HIP1: variants seen among roughly 807,000 people sequenced by gnomAD.
HIP1 encodes the protein huntingtin-interacting protein 1.
In HIP1, 65 loss-of-function variants were observed where a neutral mutation model predicts 147.6. The observed-to-expected ratio is 0.44, with a 90% confidence interval of 0.36 to 0.54. HIP1 has a LOEUF of 0.54. Among genes scored for constraint, HIP1 ranks in the 20% least tolerant of loss-of-function variants. The pLI is 0.00. For missense variants in HIP1, 1,061 were observed against 1,299.6 expected (o/e 0.82, Z 2.82); for synonymous variants, 479 against 504.0 (o/e 0.95, Z 0.67).
intron 1 of HIP1, among the ~76,000 whole-genome samples, chr7:75,659,086 G>A (rs542668078): frequency 6.7e-4 from 102 of 152,198 alleles, no homozygotes; most frequent in Non-Finnish European, 1.2e-3. Flanking sequence ...ACACTGCTTT[G>A]GGTCATTTTG....
At chr7:75,642,763 G>T (rs1798687962) in intron 1 of HIP1, among the ~76,000 whole-genome samples, 1 of 152,060 alleles carries the variant, frequency 6.6e-6, no homozygotes, top group Admixed American at 6.6e-5. Context: ...TGACCCATCG[G>T]ACACAGCCAG....
Position 75,534,398 on chromosome 7 carries a change from C to T in HIP1, c.*3774G>A. The T allele has an allele frequency of 5.0e-6, 1 of 199,268 alleles. No individual in the cohort carries two copies. Among genetic ancestry groups the T allele is most frequent in the Non-Finnish European group, 1.0e-5 (1 of 96,442 alleles). 12.3% of individuals were successfully genotyped at this position (199,268 alleles called of 1,614,324 possible). A position where few individuals can be genotyped will look rare whatever the true frequency, so the allele number is the denominator to read the frequency against. On this transcript the variant is annotated 3_prime_UTR_variant, in exon 31 of 31. Coordinates refer to ENST00000336926, the MANE Select transcript of HIP1 (RefSeq NM_005338.7). ...CTTGCTCAGATATAAAATAACCCTG[C>T]CAAGATGGCTCTTCTCTTCTATTTC... is the stretch of plus-strand genomic sequence containing the variant.
Position 75,573,844 on chromosome 7 carries a change from C to T in HIP1, c.662G>A (p.Arg221His), listed in dbSNP as rs782003111. The change falls in exon 8 of 31, where the codon CGC (arginine) becomes CAC (histidine). Residue 221 changes from arginine to histidine, a missense_variant. Around this residue, in one of 3 missense-constraint regions of HIP1, gnomAD observed 225 missense variants for 292.9 expected, o/e 0.77. Transcript: ENST00000336926. Reference sequence around the variant, plus strand: ...GATGACCTGGATCAGCGGGGCGAGGCGGCACTGCCCTGCTGCCGTCACGGA... The same window carrying T: ...GATGACCTGGATCAGCGGGGCGAGGTGGCACTGCCCTGCTGCCGTCACGGA... Reference protein sequence around the residue: ...SVSVTAAGQCRLAPLIQVILD... With the variant: ...SVSVTAAGQCHLAPLIQVILD... The T allele has an allele frequency of 1.2e-5, 20 of 1,613,892 alleles. No individual in the cohort carries two copies. The highest frequency in any genetic ancestry group is 5.5e-5 in the South Asian group (5 of 91,088).
At chr7:75,594,681 G>A (rs989687498) in intron 2 of HIP1, among the ~76,000 whole-genome samples, 1 of 152,144 alleles carries the variant, frequency 6.6e-6, no homozygotes, top group African/African-American at 2.4e-5. Flanking sequence ...GGCTGAGGCA[G>A]GAGAATCACT....
At chr7:75,675,673 A>G (rs1029827497) in intron 1 of HIP1, among the ~76,000 whole-genome samples, 1 of 152,040 alleles carries the variant, frequency 6.6e-6, no homozygotes, top group Non-Finnish European at 1.5e-5. Flanking sequence ...CTTTGAATAT[A>G]TTTAAAATAA....
At position 75,738,905 on chromosome 7, in the gene HIP1, T is replaced by C; in HGVS notation, c.16A>G (p.Ser6Gly). The C allele has an allele frequency of 1.3e-6, 2 of 1,555,712 alleles. No individual in the cohort carries two copies. Among genetic ancestry groups the C allele is most frequent in the African/African-American group, 1.4e-5 (1 of 72,860 alleles). ...GGGTTGGGCACCTGCTTCATGGAGC[T>C]GGCCATCCGATCCATGTCGCCGCGA... Reference protein sequence around the residue: MDRMASSMKQVPNPLP... With the variant: MDRMAGSMKQVPNPLP... The change falls in exon 1 of 31, where the codon AGC (serine) becomes GGC (glycine). Residue 6 changes from serine to glycine, a missense_variant. This residue lies in a region of HIP1 where 225 missense variants were observed against 292.9 expected (regional missense o/e 0.77). Coordinates refer to ENST00000336926, the MANE Select transcript of HIP1 (RefSeq NM_005338.7).
rs552862802 is a variant in HIP1, at chr7:75,735,097, T to C, written c.120+3704A>G. On this transcript the variant is annotated intron_variant, in intron 1 of 30. Coordinates refer to ENST00000336926, the MANE Select transcript of HIP1 (RefSeq NM_005338.7). ...ATGCCTTCAGGCATATTGGGCTTAATTGAATCCCCACAATAAATCAGCCAG... is the reference window on the plus strand; with the variant it reads ...ATGCCTTCAGGCATATTGGGCTTAACTGAATCCCCACAATAAATCAGCCAG... Among the ~76,000 whole-genome samples, 7 of 152,310 alleles carry C rather than the reference T, an allele frequency of 4.6e-5. No individual in the cohort carries two copies. The East Asian group carries it at 5.8e-4, about 13-fold the overall frequency.
At chr7:75,738,242 G>A (rs782813198) in intron 1 of HIP1, among the ~76,000 whole-genome samples, 1 of 150,474 alleles carries the variant, frequency 6.6e-6, no homozygotes, top group African/African-American at 2.4e-5. Flanking sequence ...GACCCCTTCC[G>A]CCCGGCCTCA....
intron 9 of HIP1, chr7:75,563,468 G>A (rs1795300756): frequency 1.7e-6 from 1 of 576,722 alleles, no homozygotes; most frequent in African/African-American, 1.9e-5. Context: ...GGTGAGGAAA[G>A]AGTAATTCAT....
intron 13 of HIP1, among the ~76,000 whole-genome samples, chr7:75,560,703 G>A (rs976624564): frequency 1.3e-5 from 2 of 152,124 alleles, no homozygotes; most frequent in South Asian, 4.1e-4. Flanking sequence ...AAATGGAAAT[G>A]CATTATGACA....
intron 16 of HIP1, among the ~76,000 whole-genome samples, chr7:75,557,369 C>T (rs1795054523): frequency 6.6e-6 from 1 of 152,072 alleles, no homozygotes; most frequent in African/African-American, 2.4e-5. Context: ...AACGCTCATC[C>T]CTCTCTCTCT....
intron 1 of HIP1, among the ~76,000 whole-genome samples, chr7:75,689,832 G>A (rs1800386238): frequency 6.6e-6 from 1 of 152,150 alleles, no homozygotes; most frequent in Admixed American, 6.6e-5. Flanking sequence ...TGGATTGTGA[G>A]GGGTGTGCTA....
intron 1 of HIP1, among the ~76,000 whole-genome samples, chr7:75,703,752 CAT>C (rs1800909337): frequency 6.6e-6 from 1 of 152,104 alleles, no homozygotes; most frequent in African/African-American, 2.4e-5. Context: ...TAAAACAAAA[CAT>C]AAAGTAGATC....
chr7:75,727,415 T>A (rs1554522483), intron 1 of HIP1, among the ~76,000 whole-genome samples: 1 of 152,026 alleles, frequency 6.6e-6, no homozygotes, highest in Non-Finnish European at 1.5e-5. Flanking sequence ...TTTCTTTTTT[T>A]TTTTTTAAAG....
intron 4 of HIP1, among the ~76,000 whole-genome samples, chr7:75,590,215 C>T (rs1796453712): frequency 6.6e-6 from 1 of 152,012 alleles, no homozygotes; most frequent in Admixed American, 6.6e-5. Flanking sequence ...ATAAACATAA[C>T]CAAAACCAAA....
intron 2 of HIP1, 146 bp downstream of exon 2, chr7:75,599,038 A>G: frequency 1.6e-6 from 1 of 637,194 alleles, no homozygotes; most frequent in Non-Finnish European, 2.8e-6. Context: ...CTCTCTGAGA[A>G]GCTGCCGTCA....
intron 1 of HIP1, among the ~76,000 whole-genome samples, chr7:75,605,100 C>G (rs1307755110): frequency 6.6e-6 from 1 of 152,136 alleles, no homozygotes; most frequent in Non-Finnish European, 1.5e-5. Flanking sequence ...CCAGCCATTA[C>G]CCACTTCTGT....
intron 14 of HIP1, 59 bp from the exon 15 acceptor site, chr7:75,558,314 G>T: frequency 7.6e-7 from 1 of 1,323,294 alleles, no homozygotes; most frequent in Non-Finnish European, 1.1e-6. Flanking sequence ...TGCCTTCCTT[G>T]CAATGAGCCA....
chr7:75,590,628 C>G (rs1462156464), intron 4 of HIP1, among the ~76,000 whole-genome samples: 4 of 152,160 alleles, frequency 2.6e-5, no homozygotes, highest in Non-Finnish European at 5.9e-5. Flanking sequence ...AAACAACAAC[C>G]ACAAACCACA....
Sources: allele counts gnomAD v4.1 joint callset (sites outside exome capture counted in the v4.1 genomes callset), GRCh38; gene constraint gnomAD v4.1.1; regional missense constraint gnomAD v4.1.1; transcripts MANE v1.5; gene names NCBI Gene and HGNC (gene_info 2026-07-23, HGNC 2026-07-21).